ARHGEF7: variants seen among roughly 807,000 people sequenced by gnomAD.
The protein encoded by ARHGEF7 is PAK-interacting exchange factor beta.
ARHGEF7 carries 33 observed loss-of-function variants against 109.8 expected under a neutral mutation model. The observed-to-expected ratio is 0.30, with a 90% CI of 0.23 to 0.40. The LOEUF is 0.40. ARHGEF7 is among the 10% of genes least tolerant of loss of function. ARHGEF7 has a pLI of 1.00. For synonymous variants in ARHGEF7, 458 were observed against 424.6 expected (o/e 1.08, Z -0.97); for missense variants, 938 against 1,098.5 (o/e 0.85, Z 2.07).
At chr13:111,297,658 T>C (rs2093456577) in intron 19 of ARHGEF7, among the ~76,000 whole-genome samples, 1 of 152,214 alleles carries the variant, frequency 6.6e-6, no homozygotes, top group African/African-American at 2.4e-5. Context: ...TGTGCCCAGG[T>C]TAACTGAAAA....
intron 2 of ARHGEF7, among the ~76,000 whole-genome samples, chr13:111,154,524 T>G (rs929443263): frequency 2.6e-5 from 4 of 152,196 alleles, no homozygotes; most frequent in African/African-American, 2.4e-5. Flanking sequence ...AGAAATTCGG[T>G]GGTTTTTCCG....
At chr13:111,196,128 G>A (rs918371952) in intron 2 of ARHGEF7, among the ~76,000 whole-genome samples, 12 of 152,226 alleles carry the variant, frequency 7.9e-5, no homozygotes, top group African/African-American at 2.9e-4. Context: ...GAGGAAGGCA[G>A]AAGGATTTTC....
intron 6 of ARHGEF7, among the ~76,000 whole-genome samples, chr13:111,237,292 G>T (rs907086751): frequency 6.6e-6 from 1 of 151,882 alleles, no homozygotes; most frequent in Non-Finnish European, 1.5e-5. Context: ...GAAAGGTTGT[G>T]AACAATTTAA....
chr13:111,153,368 A>C (rs1713283105), intron 1 of ARHGEF7, among the ~76,000 whole-genome samples: 2 of 151,912 alleles, frequency 1.3e-5, no homozygotes, highest in South Asian at 4.2e-4. Flanking sequence ...GGGCCAGGCC[A>C]AGGACCTGGA....
chr13:111,176,708 G>C (rs559313587), intron 2 of ARHGEF7, among the ~76,000 whole-genome samples: 1 of 152,212 alleles, frequency 6.6e-6, no homozygotes, highest in Non-Finnish European at 1.5e-5. Flanking sequence ...CATTTCAGGC[G>C]TGTCACATGA....
At chr13:111,193,371 C>T (rs562449140) in intron 2 of ARHGEF7, among the ~76,000 whole-genome samples, 17 of 152,276 alleles carry the variant, frequency 1.1e-4, no homozygotes, top group Admixed American at 6.5e-4. Context: ...ATCTGCCCTG[C>T]GGTTTCCTTC....
chr13:111,260,532 T>A (rs1393548662), intron 8 of ARHGEF7, among the ~76,000 whole-genome samples: 1 of 152,208 alleles, frequency 6.6e-6, no homozygotes, highest in Non-Finnish European at 1.5e-5. Context: ...TCTTCAAACA[T>A]GAAGGAGAAA....
At chr13:111,182,662 C>T (rs149175652) in intron 2 of ARHGEF7, 46 of 152,380 alleles carry the variant, frequency 3.0e-4, no homozygotes, top group Non-Finnish European at 5.4e-4. Flanking sequence ...CGTGGCCGCT[C>T]TCAGCTCTGC....
chr13:111,125,125 AT>A (rs540805041), intron 1 of ARHGEF7, among the ~76,000 whole-genome samples: 21 of 151,692 alleles, frequency 1.4e-4, no homozygotes, highest in African/African-American at 4.8e-4. Flanking sequence ...TTTTGGAGGG[AT>A]TTTTTTTCAA....
intron 5 of ARHGEF7, among the ~76,000 whole-genome samples, chr13:111,220,039 G>A (rs9515396): frequency 0.3 from 46,338 of 152,088 alleles, 8,026 homozygotes; most frequent in Non-Finnish European, 0.39. Context: ...CAGTTGGATG[G>A]CACTGGCCTG....
At chr13:111,125,012 G>A (rs747477372) in intron 1 of ARHGEF7, among the ~76,000 whole-genome samples, 7 of 152,082 alleles carry the variant, frequency 4.6e-5, no homozygotes, top group Non-Finnish European at 2.9e-5. Context: ...TGCCTACCTC[G>A]GCCTCCCAAA....
In ARHGEF7 at chr13:111,273,880, G is replaced by A. The variant is rs949503741; in HGVS notation, c.1140G>A (p.Thr380=). 8.7e-6 allele frequency: 14 copies of A among 1,614,054 alleles called. No homozygotes were observed. The highest frequency in any genetic ancestry group is 4.4e-5 in the South Asian group (4 of 91,078). The change falls in exon 10 of 22, where the codon ACG becomes ACA. Residue 380 remains threonine, a synonymous_variant. Transcript: ENST00000646102. This position sits in a 1 kb window ranked among gnomAD's most constrained non-coding sequence, Gnocchi z 4.5. The part of the protein sequence containing the change: ...ASSPGILVLT[T]GLSKPFMRLD... ...GCCCTGGGATTCTCGTGCTGACCAC[G>A]GGCCTGAGCAAACCCTTCATGCGCC... is the stretch of plus-strand genomic sequence containing the variant.
At chr13:111,220,221 G>A (rs981274247) in intron 5 of ARHGEF7, among the ~76,000 whole-genome samples, 4 of 152,244 alleles carry the variant, frequency 2.6e-5, no homozygotes, top group African/African-American at 9.6e-5. Context: ...GGACACTTGA[G>A]CCAGGGCAGA....
At chr13:111,182,418 G>C (rs904312468) in intron 2 of ARHGEF7, 3 of 152,454 alleles carry the variant, frequency 2.0e-5, no homozygotes, top group Admixed American at 6.5e-5. Context: ...CTTTTCTCCA[G>C]TGTGACTCCA....
At chr13:111,260,921 C>A (rs1250532210) in intron 8 of ARHGEF7, among the ~76,000 whole-genome samples, 1 of 152,128 alleles carries the variant, frequency 6.6e-6, no homozygotes, top group African/African-American at 2.4e-5. Flanking sequence ...TCAATGTTGT[C>A]ATTTAAAAAT....
rs2083932594 is a variant in ARHGEF7 at position 111,221,288 on chromosome 13, TAG to T, written c.670+3410_670+3411del. ...ATATATATGTCTATATATATCTATA[TAG>T]ATATATATGTCTATATATATCTATA... is the stretch of plus-strand genomic sequence containing the variant. On this transcript the variant is annotated intron_variant, in intron 5 of 21. Transcript: ENST00000646102. Among the ~76,000 whole-genome samples, 2 of 59,430 alleles carry T rather than the reference TAG, an allele frequency of 3.4e-5. 1 individual carries two copies. Among genetic ancestry groups the T allele is most frequent in the Non-Finnish European group, 6.2e-5 (2 of 32,074 alleles). 39.0% of individuals were successfully genotyped at this position (59,430 alleles called of 152,430 possible). A position where few individuals can be genotyped will look rare whatever the true frequency, so the allele number is the denominator to read the frequency against.
At chr13:111,296,105 G>A (rs184659513) in intron 19 of ARHGEF7, among the ~76,000 whole-genome samples, 71 of 152,242 alleles carry the variant, frequency 4.7e-4, no homozygotes, top group African/African-American at 1.5e-3. Context: ...TGGTGGTCGC[G>A]AGCTGGCACT....
At chr13:111,295,166 C>A in intron 19 of ARHGEF7, 1 of 985,706 alleles carries the variant, frequency 1.0e-6, no homozygotes, top group Non-Finnish European at 1.2e-6. Context: ...CTGTTATGTA[C>A]AGTTGAAATA....
intron 21 of ARHGEF7, among the ~76,000 whole-genome samples, chr13:111,302,703 G>C (rs2093597718): frequency 6.6e-6 from 1 of 152,202 alleles, no homozygotes; most frequent in Non-Finnish European, 1.5e-5. Flanking sequence ...CTCGTCCGCA[G>C]TTTCCAGCTA....
Sources: allele counts gnomAD v4.1 joint callset (sites outside exome capture counted in the v4.1 genomes callset), GRCh38; gene constraint gnomAD v4.1.1; non-coding constraint Gnocchi (gnomAD v3.1); transcripts MANE v1.5; gene names NCBI Gene and HGNC (gene_info 2026-07-23, HGNC 2026-07-21).